TBX22: variants seen among roughly 807,000 people sequenced by gnomAD.
TBX22 encodes T-box transcription factor 22.
Under a neutral mutation model 30.1 loss-of-function variants are expected in TBX22, and 8 were observed. The observed-to-expected ratio is 0.27, with a 90% CI of 0.16 to 0.48. The LOEUF is 0.48. Ranked by LOEUF, TBX22 falls within the 20% of genes least tolerant of loss-of-function variation. The pLI is 0.99. For missense variants in TBX22, 463 were observed against 400.5 expected (o/e 1.16, Z -1.33); for synonymous variants, 173 against 149.1 (o/e 1.16, Z -1.17).
chrX:80,029,732 T>C (rs936762905), intron 8 of TBX22, among the ~76,000 whole-genome samples: 25 of 112,184 alleles, frequency 2.2e-4, no homozygotes, highest in Non-Finnish European at 2.8e-4. Flanking sequence ...AAACAACCAA[T>C]CAATTTGTGC....
chrX:80,016,154 A>G (rs1320800816), intron 1 of TBX22, among the ~76,000 whole-genome samples: 2 of 112,631 alleles, frequency 1.8e-5, no homozygotes, highest in African/African-American at 6.5e-5. Flanking sequence ...TTATGAGAAT[A>G]TGGAAAGAAG....
intron 1 of TBX22, among the ~76,000 whole-genome samples, chrX:80,016,950 G>A (rs1394995094): frequency 1.0e-5 from 1 of 98,916 alleles, no homozygotes; most frequent in Non-Finnish European, 2.0e-5. Flanking sequence ...AGGTTGCAGT[G>A]AGCTGAGATT....
intron 4 of TBX22, 105 bp downstream of exon 4, chrX:80,024,269 G>A (rs770748222): frequency 1.4e-6 from 1 of 699,686 alleles, no homozygotes; most frequent in African/African-American, 2.1e-5. Flanking sequence ...CTAGCATGGG[G>A]GGTGGGAGTG....
At chrX:80,021,004 A>G (rs1041691257) in intron 1 of TBX22, among the ~76,000 whole-genome samples, 1 of 111,639 alleles carries the variant, frequency 9.0e-6, no homozygotes, top group Non-Finnish European at 1.9e-5. Context: ...ATATGCACAC[A>G]GGCAGACATC....
rs1275138625 is a variant in TBX22, at chrX:80,022,618, T to G, written c.175+174T>G. ...CGAATCCATCCCGGAGTACAGCAGT[T>G]TCTTTGCGGTAAAGGGGAGGGTCCC... On this transcript the variant is annotated intron_variant, in intron 2 of 8. Coordinates refer to ENST00000373296, the MANE Select transcript of TBX22 (RefSeq NM_001109878.2). 2.0e-5 allele frequency: 10 copies of G among 500,346 alleles called. No individual in the cohort carries two copies. The South Asian group carries it at 2.5e-4, about 13-fold the overall frequency. 41.2% of individuals were successfully genotyped at this position (500,346 alleles called of 1,213,427 possible). A position where few individuals can be genotyped will look rare whatever the true frequency, so the allele number is the denominator to read the frequency against.
intron 1 of TBX22, among the ~76,000 whole-genome samples, chrX:80,021,920 C>G (rs1384096964): frequency 9.0e-6 from 1 of 111,348 alleles, no homozygotes; most frequent in Non-Finnish European, 1.9e-5. Flanking sequence ...CACATGTGCA[C>G]TGGGAGGAAG....
At chrX:80,026,975 A>C in intron 6 of TBX22, 107 bp downstream of exon 6, 1 of 863,803 alleles carries the variant, frequency 1.2e-6, no homozygotes, top group East Asian at 3.3e-5. Context: ...ATTCTAAATA[A>C]AAATCATAGT....
chrX:80,022,620 C>T, intron 2 of TBX22, 176 bp downstream of exon 2: 1 of 499,972 alleles, frequency 2.0e-6, no homozygotes. Flanking sequence ...ACAGCAGTTT[C>T]TTTGCGGTAA....
At chrX:80,019,046 T>C (rs1370624983) in intron 1 of TBX22, among the ~76,000 whole-genome samples, 1 of 111,966 alleles carries the variant, frequency 8.9e-6, no homozygotes, top group Non-Finnish European at 1.9e-5. Context: ...GAAAGAAAAC[T>C]AGAAGAAGAA....
chrX:80,027,033 C>A (rs1308474420), intron 6 of TBX22, among the ~76,000 whole-genome samples, 165 bp downstream of exon 6: 2 of 112,082 alleles, frequency 1.8e-5, no homozygotes, highest in Non-Finnish European at 3.8e-5. Context: ...TTGTATAAAT[C>A]TTATGGGAGA....
intron 7 of TBX22, among the ~76,000 whole-genome samples, chrX:80,027,526 G>A (rs1201078183): frequency 2.7e-5 from 3 of 111,144 alleles, no homozygotes; most frequent in Non-Finnish European, 5.7e-5. Flanking sequence ...TTACAGGCAT[G>A]TGCCAACAGG....
intron 1 of TBX22, among the ~76,000 whole-genome samples, chrX:80,015,156 T>C (rs1923368450): frequency 9.0e-6 from 1 of 111,564 alleles, no homozygotes; most frequent in African/African-American, 3.3e-5. Flanking sequence ...CTGTTAAGAG[T>C]ATGCTGTAAT....
At position 80,022,027 on chromosome X, in the gene TBX22, TACACACAC is replaced by T. The variant is rs200577659; in HGVS notation, c.-2-207_-2-200del. Among the ~76,000 whole-genome samples, 697 of 92,921 alleles carry T rather than the reference TACACACAC, an allele frequency of 7.5e-3. 4 individuals are homozygous for T. The highest frequency in any genetic ancestry group is 0.028 in the East Asian group (82 of 2,958). 80.7% of individuals were successfully genotyped at this position (92,921 alleles called of 115,157 possible). ...AAAATATATATGTATATAAAAAAAT[TACACACAC>T]ACACACACACACACACACACACACA... On this transcript the variant is annotated intron_variant, in intron 1 of 8. Transcript: ENST00000373296.
chrX:80,022,593 C>T (rs1198302584), intron 2 of TBX22, 149 bp downstream of exon 2: 5 of 555,745 alleles, frequency 9.0e-6, no homozygotes, highest in Non-Finnish European at 1.5e-5. Context: ...TCAGCGCCTC[C>T]GAATCCATCC....
At chrX:80,028,761 T>G (rs1004608747) in intron 8 of TBX22, among the ~76,000 whole-genome samples, 5 of 111,700 alleles carry the variant, frequency 4.5e-5, no homozygotes, top group African/African-American at 1.6e-4. Context: ...TTTATCCCTT[T>G]GTCTTTACTC....
Position 80,026,712 on chromosome X carries a change from G to T in TBX22, c.642G>T (p.Leu214=). The change falls in exon 6 of 9, where the codon CTG becomes CTT. Residue 214 remains leucine (L), a synonymous_variant. Transcript: ENST00000373296. ...GATCATTTCTCCTCCAGATCATTCT[G>T]CAATCCATGCATAAGTACAAACCCC... ...NEMDDKGHII[L]QSMHKYKPRV... 8.3e-7 allele frequency: 1 copy of T among 1,211,348 alleles called. No individual in the cohort carries two copies. Among genetic ancestry groups the T allele is most frequent in the Non-Finnish European group, 1.1e-6 (1 of 895,182 alleles).
At chrX:80,028,306 G>A (rs775870950) in intron 8 of TBX22, among the ~76,000 whole-genome samples, 1 of 112,155 alleles carries the variant, frequency 8.9e-6, no homozygotes, top group Non-Finnish European at 1.9e-5. Context: ...ATTGACATAT[G>A]TTAATAAGTT....
In TBX22 at chrX:80,023,109, C is replaced by T; in HGVS notation, c.225C>T (p.Gly75=). The T allele has an allele frequency of 8.3e-7, 1 of 1,211,768 alleles. No individual in the cohort carries two copies. Among genetic ancestry groups the T allele is most frequent in the Non-Finnish European group, 1.1e-6 (1 of 895,426 alleles). Residue 75 remains glycine (G), a synonymous_variant, in exon 3 of 9, where the codon GGC becomes GGT. Coordinates refer to ENST00000373296, the MANE Select transcript of TBX22 (RefSeq NM_001109878.2). ...CAACATCTGCTTCCTCTGGCTGCGGCAGCGACAGCGGCTACGGCAACAGCT... is the reference window on the plus strand; with the variant it reads ...CAACATCTGCTTCCTCTGGCTGCGGTAGCGACAGCGGCTACGGCAACAGCT... The part of the protein sequence containing the change: ...EPSTSASSGC[G]SDSGYGNSSE...
intron 7 of TBX22, 54 bp downstream of exon 7, chrX:80,027,374 GTTTTTT>G: frequency 2.4e-5 from 10 of 424,820 alleles, no homozygotes; most frequent in East Asian, 9.3e-5. Context: ...ATTTTCACAA[GTTTTTT>G]TTTTTTTTTT....
Sources: allele counts gnomAD v4.1 joint callset (sites outside exome capture counted in the v4.1 genomes callset), GRCh38; gene constraint gnomAD v4.1.1; transcripts MANE v1.5; gene names NCBI Gene and HGNC (gene_info 2026-07-23, HGNC 2026-07-21).